The following CELSR1 variants were observed in gnomAD, a reference collection of about 807,000 sequenced individuals.
The protein encoded by CELSR1 is adhesion G protein-coupled receptor C1.
Under a neutral mutation model 249.1 loss-of-function variants are expected in CELSR1, and 110 were observed. The observed-to-expected ratio is 0.44, with a 90% CI of 0.38 to 0.52. The LOEUF (loss-of-function observed/expected upper bound fraction) is 0.52, where lower values mean the gene tolerates loss of function less well. CELSR1 is among the 20% of genes least tolerant of loss of function. The pLI, the probability that CELSR1 is intolerant of heterozygous loss-of-function variation, is 0.00. For missense variants in CELSR1, 4,109 were observed against 4,296.4 expected (o/e 0.96, Z 1.22); for synonymous variants, 2,113 against 1,900.0 (o/e 1.11, Z -2.92).
rs998940445 is a variant in CELSR1, at chr22:46,408,851, C to T, written c.5226+145G>A. The T allele has an allele frequency of 4.6e-6, 3 of 647,490 alleles. No homozygotes were observed. Among genetic ancestry groups the T allele is most frequent in the Non-Finnish European group, 7.7e-6 (3 of 390,444 alleles). 40.1% of individuals were successfully genotyped at this position (647,490 alleles called of 1,614,324 possible). A position where few individuals can be genotyped will look rare whatever the true frequency, so the allele number is the denominator to read the frequency against. ...GAAAGAAAGGGCTGATATTCCCCTTCCCCCTCTTCGGAGAACCCCAGGGGC... is the reference window on the plus strand; with the variant it reads ...GAAAGAAAGGGCTGATATTCCCCTTTCCCCTCTTCGGAGAACCCCAGGGGC... On this transcript the variant is annotated intron_variant, in intron 9 of 34. Transcript: ENST00000674500. The surrounding 1 kb of genome is among the most constrained non-coding windows in gnomAD (Gnocchi z 4.6).
intron 5 of CELSR1, among the ~76,000 whole-genome samples, chr22:46,418,805 C>G (rs1602108358): frequency 6.6e-6 from 1 of 152,232 alleles, no homozygotes; most frequent in South Asian, 2.1e-4. Context: ...AGAAATCACA[C>G]AAAGCCTTTT....
rs193050052 is a variant in CELSR1, at chr22:46,465,866, C to T, written c.3545-1521G>A. Among the ~76,000 whole-genome samples the T allele has an allele frequency of 1.6e-3, 247 of 152,354 alleles. 1 individual carries two copies. The highest frequency in any genetic ancestry group is 5.6e-3 in the African/African-American group (231 of 41,590). ...AATTTCACACCCAGAAACGCAGGCCCGGCTGGGGATGCCCAGCTCCCACCC... is the reference window on the plus strand; with the variant it reads ...AATTTCACACCCAGAAACGCAGGCCTGGCTGGGGATGCCCAGCTCCCACCC... On this transcript the variant is annotated intron_variant, in intron 1 of 34. Coordinates refer to ENST00000674500, the MANE Select transcript of CELSR1 (RefSeq NM_001378328.1).
At chr22:46,415,456 G>C (rs1569147151) in intron 5 of CELSR1, among the ~76,000 whole-genome samples, 2 of 152,118 alleles carry the variant, frequency 1.3e-5, no homozygotes, top group Non-Finnish European at 2.9e-5. Context: ...TCCAGCCTGG[G>C]TGATGAAAAT....
chr22:46,419,177 G>A (rs139141350), intron 5 of CELSR1, among the ~76,000 whole-genome samples: 54 of 152,286 alleles, frequency 3.5e-4, no homozygotes, highest in African/African-American at 7.2e-4. Flanking sequence ...TCACCTCTGC[G>A]GCCAGGCTAC....
chr22:46,380,835 C>T lies in CELSR1; in HGVS notation c.7209G>A (p.Val2403=), dbSNP rs1209290877. Residue 2403 remains valine, a synonymous_variant, in exon 22 of 35, where the codon GTG becomes GTA. Transcript: ENST00000674500. The surrounding 1 kb of genome is among the most constrained non-coding windows in gnomAD (Gnocchi z 5.1). ...CGCAGACAGGCTTGGTTCGCTCCTC[C>T]ACCTCCAGCAGGGCGAACTCCACCA... ...PVLVEFALLE[V]EERTKPVCVF... is the part of the protein sequence containing the mutation. 1.9e-6 allele frequency: 3 copies of T among 1,612,058 alleles called. No individual in the cohort carries two copies. The highest frequency in any genetic ancestry group is 2.2e-5 in the South Asian group (2 of 91,068).
chr22:46,421,346 G>A (rs1200726320), intron 5 of CELSR1, among the ~76,000 whole-genome samples: 1 of 152,214 alleles, frequency 6.6e-6, no homozygotes, highest in East Asian at 1.9e-4. Context: ...CTGGAGGACA[G>A]TGGCTATGAT....
intron 20 of CELSR1, among the ~76,000 whole-genome samples, chr22:46,382,976 T>A (rs1275133319): frequency 6.6e-6 from 1 of 152,180 alleles, no homozygotes; most frequent in East Asian, 1.9e-4. Flanking sequence ...CATGAATGTA[T>A]CTGATGCAGT....
At position 46,398,786 on chromosome 22, in the gene CELSR1, T is replaced by G. The variant is rs944124920; in HGVS notation, c.5413-149A>C. On this transcript the variant is annotated intron_variant, in intron 10 of 34. Transcript: ENST00000674500. This position sits in a 1 kb window ranked among gnomAD's most constrained non-coding sequence, Gnocchi z 7.2. ...ACATCTGGGCCTCCAAAGAGAGAGCTGGGCCCAGCTGGACAGCGAGGCTGG... is the reference window on the plus strand; with the variant it reads ...ACATCTGGGCCTCCAAAGAGAGAGCGGGGCCCAGCTGGACAGCGAGGCTGG... The G allele has an allele frequency of 1.6e-6, 1 of 606,674 alleles. No homozygotes were observed. Among genetic ancestry groups the G allele is most frequent in the Non-Finnish European group, 2.8e-6 (1 of 357,528 alleles). The allele number at this position is 606,674 out of a possible 1,614,324, so 37.6% of individuals were successfully genotyped here.
Position 46,384,627 on chromosome 22 carries a change from C to T in CELSR1, c.6799G>A (p.Asp2267Asn), listed in dbSNP as rs149238203. Residue 2267 changes from aspartate (D) to asparagine (N), a missense_variant, in exon 20 of 35, where the codon GAC becomes AAC. Coordinates refer to ENST00000674500, the MANE Select transcript of CELSR1 (RefSeq NM_001378328.1). The stretch of plus-strand genomic sequence containing the variant: ...CTGGGGAACTCTTCATGGATGGTGT[C>T]GAATCGCGGGACCCTGGCTCCCGTA... Reference protein sequence around the residue: ...NFTGARVPRFDTIHEEFPREL... With the variant: ...NFTGARVPRFNTIHEEFPREL... The T allele has an allele frequency of 1.9e-5, 30 of 1,613,552 alleles. No homozygotes were observed. The highest frequency in any genetic ancestry group is 3.3e-4 in the Middle Eastern group (2 of 6,084).
rs201608542 is a variant in CELSR1 at position 46,410,365 on chromosome 22, C to T, written c.4933+33G>A. 115 of 1,598,030 alleles carry T rather than the reference C, an allele frequency of 7.2e-5. No individual in the cohort carries two copies. The highest frequency in any genetic ancestry group is 9.5e-5 in the Non-Finnish European group (111 of 1,168,782). ...GCCGACGTCCAGCCAGATGCCACTG[C>T]GGCAGCTCCGACGCCCTGACGGCCA... is the stretch of plus-strand genomic sequence containing the variant. On this transcript the variant is annotated intron_variant, in intron 7 of 34. Coordinates refer to ENST00000674500, the MANE Select transcript of CELSR1 (RefSeq NM_001378328.1). This position sits in a 1 kb window ranked among gnomAD's most constrained non-coding sequence, Gnocchi z 6.8.
At chr22:46,438,391 A>G (rs1376626163) in intron 3 of CELSR1, among the ~76,000 whole-genome samples, 1 of 152,168 alleles carries the variant, frequency 6.6e-6, no homozygotes, top group Non-Finnish European at 1.5e-5. Flanking sequence ...CGGCTCTCAG[A>G]GGCTCAAGAG....
chr22:46,441,429 A>G lies in CELSR1; in HGVS notation c.4184-2018T>C, dbSNP rs566785252. Reference sequence around the variant, plus strand: ...GGCAGCCTAATTTGATGCCAACTCAAACAGACAGAATGAAAACACACTTAC... The same window carrying G: ...GGCAGCCTAATTTGATGCCAACTCAGACAGACAGAATGAAAACACACTTAC... On this transcript the variant is annotated intron_variant, in intron 2 of 34. Transcript: ENST00000674500. This position sits in a 1 kb window ranked among gnomAD's most constrained non-coding sequence, Gnocchi z 6.1. Among the ~76,000 whole-genome samples, 31 of 152,180 alleles carry G rather than the reference A, an allele frequency of 2.0e-4. No homozygotes were observed. Among genetic ancestry groups the G allele is most frequent in the African/African-American group, 6.3e-4 (26 of 41,476 alleles).
intron 1 of CELSR1, among the ~76,000 whole-genome samples, chr22:46,489,030 C>A (rs2080343137): frequency 6.6e-6 from 1 of 152,098 alleles, no homozygotes; most frequent in African/African-American, 2.4e-5. Flanking sequence ...CTCAGACCCC[C>A]AGACACACCC....
Position 46,381,081 on chromosome 22 carries a change from A to C in CELSR1, c.7089-126T>G, listed in dbSNP as rs1602049565. The C allele has an allele frequency of 9.9e-7, 1 of 1,014,684 alleles. No individual in the cohort carries two copies. Among genetic ancestry groups the C allele is most frequent in the East Asian group, 2.6e-5 (1 of 37,910 alleles). 62.9% of individuals were successfully genotyped at this position (1,014,684 alleles called of 1,614,324 possible). A position where few individuals can be genotyped will look rare whatever the true frequency, so the allele number is the denominator to read the frequency against. On this transcript the variant is annotated intron_variant, in intron 21 of 34. Coordinates refer to ENST00000674500, the MANE Select transcript of CELSR1 (RefSeq NM_001378328.1). The surrounding 1 kb of genome is among the most constrained non-coding windows in gnomAD (Gnocchi z 6.0). ...AGGGGAGACAGAATCACACTCCGAG[A>C]GCTCGGACCCACGGACCCCACAGTA...
In CELSR1 at chr22:46,512,754, G is replaced by T. The variant is rs565426146; in HGVS notation, c.3544+20873C>A. ...ACAGCTCCTGCTTATAGAGGGTAGC[G>T]GGTTTCCGTTCCCTGCCATCCAGAG... On this transcript the variant is annotated intron_variant, in intron 1 of 34. Transcript: ENST00000674500. This position sits in a 1 kb window ranked among gnomAD's most constrained non-coding sequence, Gnocchi z 5.2. Among the ~76,000 whole-genome samples, 4 of 152,138 alleles carry T rather than the reference G, an allele frequency of 2.6e-5. No homozygotes were observed. Among genetic ancestry groups the T allele is most frequent in the Admixed American group, 2.6e-4 (4 of 15,278 alleles).
At chr22:46,482,607 C>A (rs980947032) in intron 1 of CELSR1, among the ~76,000 whole-genome samples, 1 of 151,952 alleles carries the variant, frequency 6.6e-6, no homozygotes, top group African/African-American at 2.4e-5. Flanking sequence ...CTCAGCTACT[C>A]GAAAGGCTGA....
In CELSR1 at chr22:46,391,099, A is replaced by T; in HGVS notation, c.6250+87T>A. 1 of 1,106,428 alleles carries T rather than the reference A, an allele frequency of 9.0e-7. No homozygotes were observed. The highest frequency in any genetic ancestry group is 1.3e-6 in the Non-Finnish European group (1 of 757,900). The allele number at this position is 1,106,428 out of a possible 1,614,324, so 68.5% of individuals were successfully genotyped here. ...GCCTGCGGATATTTTTTCAACACGA[A>T]ACATTCCATGAGTCCCCACATCTCG... On this transcript the variant is annotated intron_variant, in intron 16 of 34. Coordinates refer to ENST00000674500, the MANE Select transcript of CELSR1 (RefSeq NM_001378328.1). The surrounding 1 kb of genome is among the most constrained non-coding windows in gnomAD (Gnocchi z 4.3).
In CELSR1 at chr22:46,410,429, G is replaced by A. The variant is rs143509844; in HGVS notation, c.4902C>T (p.Ala1634=). 738 of 1,613,998 alleles carry A rather than the reference G, an allele frequency of 4.6e-4. 7 individuals carry two copies. The East Asian group carries it at 0.013, about 28-fold the overall frequency. ...LSVDGKNVDM[A]GFIANNGTRE... The stretch of plus-strand genomic sequence containing the variant: ...GGGTGCCATTGTTGGCGATGAATCC[G>A]GCCATGTCCACATTTTTGCCGTCGA... The change falls in exon 7 of 35, where the codon GCC becomes GCT. Residue 1634 remains alanine (A), a synonymous_variant. Transcript: ENST00000674500. The surrounding 1 kb of genome is among the most constrained non-coding windows in gnomAD (Gnocchi z 6.8).
chr22:46,376,832 A>G (rs2078923931), intron 24 of CELSR1, among the ~76,000 whole-genome samples: 1 of 151,552 alleles, frequency 6.6e-6, no homozygotes, highest in Non-Finnish European at 1.5e-5. Context: ...AGAAAGAAAG[A>G]AAGGGCCCCC....
Sources: gnomAD v4.1 joint callset for allele counts (sites outside exome capture counted in the v4.1 genomes callset) on GRCh38, gnomAD v4.1.1 for gene constraint, Gnocchi (gnomAD v3.1) non-coding constraint, MANE v1.5 for transcripts, NCBI Gene and HGNC (gene_info 2026-07-23, HGNC 2026-07-21) for gene names.